The following RPS6KC1 variants were observed in gnomAD, a reference collection of about 807,000 sequenced individuals.
RPS6KC1 encodes the protein inactive ribosomal protein S6 kinase delta-1.
A neutral mutation model predicts 103.8 loss-of-function variants in RPS6KC1; 54 were observed. That is an observed-to-expected ratio of 0.52 (90% CI 0.42 to 0.65). The LOEUF (loss-of-function observed/expected upper bound fraction) is 0.65, where lower values mean the gene tolerates loss of function less well. RPS6KC1 is among the 30% of genes least tolerant of loss of function. The probability of loss-of-function intolerance (pLI) is 0.00; values close to 1 mark genes in which losing one functional copy is unlikely to be tolerated. For synonymous variants in RPS6KC1, 439 were observed against 438.7 expected (o/e 1.00, Z -0.01); for missense variants, 1,151 against 1,253.8 (o/e 0.92, Z 1.24).
the RPS6KC1 span, among the ~76,000 whole-genome samples, chr1:213,655,434 A>G: frequency 7.2e-5 from 11 of 152,360 alleles, no homozygotes; most frequent in African/African-American, 2.4e-4. Flanking sequence ...TCGGACATCC[A>G]ACATAAGATA....
chr1:213,080,154 G>A (rs535285020), intron 3 of RPS6KC1, among the ~76,000 whole-genome samples: 1 of 150,164 alleles, frequency 6.7e-6, no homozygotes, highest in East Asian at 1.9e-4. Context: ...CTGACCTCAG[G>A]TGATCTGGCC....
At chr1:213,421,372 C>A in the RPS6KC1 span, among the ~76,000 whole-genome samples, 2 of 152,248 alleles carry the variant, frequency 1.3e-5, no homozygotes, top group African/African-American at 4.8e-5. Flanking sequence ...CTTGGCCTCC[C>A]AAAGTGTGGG....
the RPS6KC1 span, among the ~76,000 whole-genome samples, chr1:213,510,714 C>T: frequency 1.3e-5 from 2 of 152,142 alleles, no homozygotes; most frequent in Non-Finnish European, 2.9e-5. Flanking sequence ...TACCCAGATC[C>T]TCCCTGAATT....
the RPS6KC1 span, among the ~76,000 whole-genome samples, chr1:213,583,043 A>G: frequency 6.6e-6 from 1 of 152,126 alleles, no homozygotes; most frequent in Non-Finnish European, 1.5e-5. Flanking sequence ...GATTGTTTTC[A>G]CTTAGCATAT....
chr1:213,741,896 A>G, the RPS6KC1 span, among the ~76,000 whole-genome samples: 228 of 152,292 alleles, frequency 1.5e-3, no homozygotes, highest in African/African-American at 5.1e-3. Context: ...AAGAGGAATA[A>G]ATGAGCCACA....
At chr1:213,308,172 G>A in the RPS6KC1 span, among the ~76,000 whole-genome samples, 2 of 151,926 alleles carry the variant, frequency 1.3e-5, no homozygotes, top group Non-Finnish European at 2.9e-5. Flanking sequence ...AAATGAGCTG[G>A]ATGTGGTGGT....
the RPS6KC1 span, among the ~76,000 whole-genome samples, chr1:213,587,280 T>C: frequency 1.3e-5 from 2 of 152,102 alleles, no homozygotes; most frequent in African/African-American, 4.8e-5. Context: ...CAATGCTCTA[T>C]CAAGGGTGGG....
At chr1:213,672,114 GTACTC>G in the RPS6KC1 span, among the ~76,000 whole-genome samples, 1 of 152,150 alleles carries the variant, frequency 6.6e-6, no homozygotes, top group East Asian at 1.9e-4. Context: ...GCTCTGGACT[GTACTC>G]TATCCCATAT....
intron 3 of RPS6KC1, among the ~76,000 whole-genome samples, chr1:213,097,546 T>C (rs1486731059): frequency 2.6e-5 from 4 of 152,198 alleles, no homozygotes; most frequent in African/African-American, 9.7e-5. Context: ...AGCATTGGCT[T>C]CAACTTAAAG....
chr1:213,162,022 G>A (rs1037295374), intron 6 of RPS6KC1, among the ~76,000 whole-genome samples: 3 of 152,144 alleles, frequency 2.0e-5, no homozygotes, highest in East Asian at 1.9e-4. Context: ...CATAATTTAT[G>A]TGGAGTTTCA....
the RPS6KC1 span, among the ~76,000 whole-genome samples, chr1:213,370,687 C>T: frequency 2.6e-4 from 39 of 152,298 alleles, no homozygotes; most frequent in South Asian, 6.2e-3. Flanking sequence ...AACTGAGGTT[C>T]GAAGAGATGA....
the RPS6KC1 span, among the ~76,000 whole-genome samples, chr1:213,854,872 A>G: frequency 6.6e-6 from 1 of 152,186 alleles, no homozygotes; most frequent in South Asian, 2.1e-4. Flanking sequence ...TCATCTACTC[A>G]GGCAGCTATA....
intron 12 of RPS6KC1, among the ~76,000 whole-genome samples, chr1:213,244,651 C>A (rs147014629): frequency 5.9e-5 from 9 of 152,250 alleles, no homozygotes; most frequent in Admixed American, 5.9e-4. Context: ...AACCATATTA[C>A]ATTCATCAAC....
chr1:213,492,681 T>C, the RPS6KC1 span: 3 of 152,280 alleles, frequency 2.0e-5, no homozygotes, highest in Non-Finnish European at 4.4e-5. Flanking sequence ...AATGTCCTTT[T>C]CCGTGTTTCT....
the RPS6KC1 span, among the ~76,000 whole-genome samples, chr1:213,360,509 C>T: frequency 1.3e-5 from 2 of 152,174 alleles, no homozygotes; most frequent in Non-Finnish European, 2.9e-5. Context: ...CGAACTTCCT[C>T]CTTTAGCTCA....
the RPS6KC1 span, among the ~76,000 whole-genome samples, chr1:213,736,355 G>A: frequency 2.0e-5 from 3 of 152,148 alleles, no homozygotes; most frequent in African/African-American, 7.2e-5. Flanking sequence ...CAAGTTGTTG[G>A]CAGAATTCAT....
At chr1:213,427,515 T>C in the RPS6KC1 span, among the ~76,000 whole-genome samples, 1 of 152,246 alleles carries the variant, frequency 6.6e-6, no homozygotes, top group Non-Finnish European at 1.5e-5. Flanking sequence ...TGTGCTAATG[T>C]CACTAAAACT....
chr1:213,676,416 G>A, the RPS6KC1 span, among the ~76,000 whole-genome samples: 1 of 152,184 alleles, frequency 6.6e-6, no homozygotes. Flanking sequence ...AGCAAGCTTT[G>A]TCTGAGGAAT....
At chr1:213,296,892 CAAAG>C in the RPS6KC1 span, among the ~76,000 whole-genome samples, 4 of 152,030 alleles carry the variant, frequency 2.6e-5, no homozygotes, top group Non-Finnish European at 5.9e-5. Flanking sequence ...ACTACAGTGA[CAAAG>C]GAAGTCACTA....
Sources: gnomAD v4.1 joint callset for allele counts (sites outside exome capture counted in the v4.1 genomes callset) on GRCh38, gnomAD v4.1.1 for gene constraint, MANE v1.5 for transcripts, NCBI Gene and HGNC (gene_info 2026-07-23, HGNC 2026-07-21) for gene names.